Variants in ADAMTSL1 observed in about 807,000 individuals in gnomAD.
ADAMTSL1 encodes the protein ADAMTS-like protein 1.
A neutral mutation model predicts 201.8 loss-of-function variants in ADAMTSL1; 126 were observed. That is an observed-to-expected ratio of 0.62 (90% confidence interval 0.54 to 0.72). The LOEUF is 0.72. ADAMTSL1 is among the 30% of genes least tolerant of loss of function. The probability of loss-of-function intolerance (pLI) is 0.00; values close to 1 mark genes in which losing one functional copy is unlikely to be tolerated. For synonymous variants in ADAMTSL1, 1,121 were observed against 903.4 expected (o/e 1.24, Z -4.32); for missense variants, 2,679 against 2,277.8 (o/e 1.18, Z -3.59).
At chr9:18,472,590 C>A (rs142220786), upstream of ADAMTSL1, among the ~76,000 whole-genome samples, 4 of 152,330 alleles carry the variant, frequency 2.6e-5, no homozygotes, top group East Asian at 7.7e-4. Context: ...GTTGAACAAC[C>A]TGCTTTTCTT....
At chr9:18,706,725 C>G (rs1263218306) in intron 13 of ADAMTSL1, 22 bp from the exon 14 acceptor site, 21 of 1,571,062 alleles carry the variant, frequency 1.3e-5, no homozygotes, top group Admixed American at 1.8e-5. Flanking sequence ...ATCCTGTCCT[C>G]TTGTTTGCTT....
intron 1 of ADAMTSL1, among the ~76,000 whole-genome samples, chr9:17,961,857 T>G (rs1406816957): frequency 6.6e-6 from 1 of 152,084 alleles, no homozygotes; most frequent in Non-Finnish European, 1.5e-5. Context: ...CTCTAGCACC[T>G]CCTGAGAACC....
intron 2 of ADAMTSL1, among the ~76,000 whole-genome samples, chr9:18,356,620 C>T (rs1487484531): frequency 1.3e-5 from 2 of 150,268 alleles, no homozygotes; most frequent in African/African-American, 4.9e-5. Flanking sequence ...CACACACACA[C>T]ACACACACAC....
intron 26 of ADAMTSL1, among the ~76,000 whole-genome samples, chr9:18,903,822 A>G (rs1049214815): frequency 6.6e-6 from 1 of 151,826 alleles, no homozygotes; most frequent in African/African-American, 2.4e-5. Context: ...CTCCACATAC[A>G]TGGGTTTCAC....
chr9:18,743,328 T>A (rs761506925), intron 15 of ADAMTSL1, among the ~76,000 whole-genome samples: 2 of 152,180 alleles, frequency 1.3e-5, no homozygotes, highest in Non-Finnish European at 1.5e-5. Context: ...GTAAAGGAAG[T>A]AGGTTTAGAT....
intron 2 of ADAMTSL1, among the ~76,000 whole-genome samples, chr9:18,235,311 G>A (rs560521345): frequency 6.6e-6 from 1 of 152,272 alleles, no homozygotes; most frequent in East Asian, 1.9e-4. Context: ...ACGGGTTCTT[G>A]GGAGGAAGGC....
intron 1 of ADAMTSL1, among the ~76,000 whole-genome samples, chr9:18,486,938 A>G (rs1005260810): frequency 7.2e-5 from 11 of 152,200 alleles, no homozygotes; most frequent in African/African-American, 2.4e-4. Flanking sequence ...GATGCCAGCA[A>G]ATCTCTTTGC....
chr9:18,048,428 T>C (rs1318782025), intron 1 of ADAMTSL1, among the ~76,000 whole-genome samples: 1 of 152,094 alleles, frequency 6.6e-6, no homozygotes, highest in African/African-American at 2.4e-5. Context: ...AATAAGAAAA[T>C]CTGAGTAGAG....
chr9:18,216,127 G>C (rs570589711), intron 2 of ADAMTSL1, among the ~76,000 whole-genome samples: 1 of 152,282 alleles, frequency 6.6e-6, no homozygotes, highest in South Asian at 2.1e-4. Flanking sequence ...TCTAATAAGA[G>C]AATCCTCAAT....
At chr9:18,725,231 G>A (rs957792422) in intron 15 of ADAMTSL1, among the ~76,000 whole-genome samples, 1 of 152,198 alleles carries the variant, frequency 6.6e-6, no homozygotes, top group Non-Finnish European at 1.5e-5. Flanking sequence ...ATGTTATCAT[G>A]TATGTATGGC....
intron 1 of ADAMTSL1, among the ~76,000 whole-genome samples, chr9:17,953,838 A>G (rs1446565185): frequency 1.3e-5 from 2 of 152,110 alleles, no homozygotes; most frequent in Admixed American, 1.3e-4. Context: ...GTGTGTGAGG[A>G]GTTTGGGCAG....
At chr9:18,842,151 T>C (rs1376061781) in intron 23 of ADAMTSL1, among the ~76,000 whole-genome samples, 1 of 152,154 alleles carries the variant, frequency 6.6e-6, no homozygotes, top group Non-Finnish European at 1.5e-5. Context: ...TTTGGATCTT[T>C]CCTGCTTTCT....
intron 2 of ADAMTSL1, among the ~76,000 whole-genome samples, chr9:18,404,518 C>T (rs1327364541): frequency 6.6e-6 from 1 of 152,158 alleles, no homozygotes; most frequent in African/African-American, 2.4e-5. Flanking sequence ...GAGGTGGTGC[C>T]CTGTAATCTT....
chr9:18,768,455 C>CTTTTT lies in ADAMTSL1; in HGVS notation c.2218-2132_2218-2128dup, dbSNP rs10659731. ...GATTGTTTACCTCTCTGAGCCTCAG[C>CTTTTT]TTTTTTTTTTTTTTTTTTTCTGTAA... On this transcript the variant is annotated intron_variant, in intron 16 of 28. Transcript: ENST00000380548. Among the ~76,000 whole-genome samples, 7 of 117,010 alleles carry CTTTTT rather than the reference C, an allele frequency of 6.0e-5. 2 individuals carry two copies. The highest frequency in any genetic ancestry group is 5.1e-5 in the Non-Finnish European group (3 of 58,988). The allele number at this position is 117,010 out of a possible 152,430, so 76.8% of individuals were successfully genotyped here. A position where few individuals can be genotyped will look rare whatever the true frequency, so the allele number is the denominator to read the frequency against.
At chr9:17,983,068 C>CTT (rs1334217552) in intron 1 of ADAMTSL1, among the ~76,000 whole-genome samples, 17 of 97,450 alleles carry the variant, frequency 1.7e-4, no homozygotes, top group African/African-American at 4.8e-4. Flanking sequence ...TTCTTTCTTT[C>CTT]TTTCTTTCTT....
At chr9:18,741,189 T>TA (rs1443389659) in intron 15 of ADAMTSL1, among the ~76,000 whole-genome samples, 4 of 152,248 alleles carry the variant, frequency 2.6e-5, no homozygotes, top group African/African-American at 9.6e-5. Context: ...TGGTTGTCTC[T>TA]AAAAACCCGT....
chr9:18,537,361 A>C (rs1230297035), intron 3 of ADAMTSL1, among the ~76,000 whole-genome samples: 1 of 152,224 alleles, frequency 6.6e-6, no homozygotes, highest in Non-Finnish European at 1.5e-5. Context: ...GTGAATACTT[A>C]AGGAGTAGCA....
chr9:18,514,866 G>T (rs76954780), intron 2 of ADAMTSL1, among the ~76,000 whole-genome samples: 5,685 of 152,188 alleles, frequency 0.037, 362 homozygotes, highest in African/African-American at 0.13. Context: ...CCTTGTTCCT[G>T]ATATTAGAGG....
chr9:18,248,118 G>T lies in ADAMTSL1; in HGVS notation c.207+84137G>T, dbSNP rs978531845. Among the ~76,000 whole-genome samples, 4 of 152,140 alleles carry T rather than the reference G, an allele frequency of 2.6e-5. No homozygotes were observed. The South Asian group carries it at 8.3e-4, about 32-fold the overall frequency. ...TATTTAAGCCTCAGCTTAATTGAAT[G>T]TAAAATTTAAGGGATGCAGCTTTGA... On this transcript the variant is annotated intron_variant, in intron 2 of 29. Coordinates refer to the ADAMTSL1 transcript ENST00000680146.
Sources: gnomAD v4.1 joint callset for allele counts (sites outside exome capture counted in the v4.1 genomes callset) on GRCh38, gnomAD v4.1.1 for gene constraint, MANE v1.5 for transcripts, NCBI Gene and HGNC (gene_info 2026-07-23, HGNC 2026-07-21) for gene names.